Variants in MAPKAP1 observed in about 807,000 individuals in gnomAD.
MAPKAP1 encodes target of rapamycin complex 2 subunit MAPKAP1.
In MAPKAP1, 20 loss-of-function variants were observed where a neutral mutation model predicts 65.7. That is an observed-to-expected ratio of 0.30 (90% confidence interval 0.21 to 0.44). The LOEUF (loss-of-function observed/expected upper bound fraction) is 0.44, where lower values mean the gene tolerates loss of function less well. MAPKAP1 is among the 20% of genes least tolerant of loss of function. The pLI, the probability that MAPKAP1 is intolerant of heterozygous loss-of-function variation, is 1.00. For synonymous variants in MAPKAP1, 222 were observed against 244.3 expected, an observed-to-expected ratio of 0.91 and a Z score of 0.85; for missense variants, 423 against 648.0, an observed-to-expected ratio of 0.65 and a Z score of 3.77.
At chr9:125,657,589 CCAA>C (rs937095467) in intron 4 of MAPKAP1, 59 bp downstream of exon 4, 19 of 1,406,622 alleles carry the variant, frequency 1.4e-5, no homozygotes, top group Admixed American at 2.2e-5. Context: ...AATAATAATA[CCAA>C]CAACAACTCC....
At chr9:125,523,360 GA>G (rs1471987038) in intron 7 of MAPKAP1, among the ~76,000 whole-genome samples, 4 of 151,992 alleles carry the variant, frequency 2.6e-5, no homozygotes, top group Admixed American at 2.6e-4. Flanking sequence ...TAGAAAAGAG[GA>G]AAAAAAGAGG....
At chr9:125,452,327 G>A (rs947874871) in intron 10 of MAPKAP1, among the ~76,000 whole-genome samples, 13 of 152,040 alleles carry the variant, frequency 8.6e-5, no homozygotes, top group African/African-American at 3.1e-4. Context: ...TCGAACTCCT[G>A]GCCTCAAGTG....
At chr9:125,507,168 C>T (rs557728286) in intron 7 of MAPKAP1, among the ~76,000 whole-genome samples, 1 of 152,308 alleles carries the variant, frequency 6.6e-6, no homozygotes, top group East Asian at 1.9e-4. Flanking sequence ...GTTCTTCTGG[C>T]AGACCTTAAT....
chr9:125,520,998 C>A (rs1419224972), intron 7 of MAPKAP1, among the ~76,000 whole-genome samples: 4 of 152,242 alleles, frequency 2.6e-5, no homozygotes, highest in East Asian at 3.8e-4. Context: ...CCTATCCCAA[C>A]ACATATCCTA....
intron 5 of MAPKAP1, among the ~76,000 whole-genome samples, chr9:125,577,470 G>A (rs866395313): frequency 0.025 from 3,554 of 141,476 alleles, 158 homozygotes; most frequent in African/African-American, 0.089. Flanking sequence ...CAGCCGCCCC[G>A]TCTGGGAGGT....
At chr9:125,576,729 CGGGCT>C (rs1831414494) in intron 5 of MAPKAP1, among the ~76,000 whole-genome samples, 1 of 152,186 alleles carries the variant, frequency 6.6e-6, no homozygotes, top group South Asian at 2.1e-4. Context: ...CTGTGTTGGC[CGGGCT>C]GGTCTCCAGC....
chr9:125,470,434 T>C (rs946324973), intron 9 of MAPKAP1, among the ~76,000 whole-genome samples: 3 of 152,200 alleles, frequency 2.0e-5, no homozygotes, highest in African/African-American at 7.2e-5. Flanking sequence ...TCACTCCCCA[T>C]TGCATCAATC....
At chr9:125,654,297 G>T (rs75191617) in intron 4 of MAPKAP1, among the ~76,000 whole-genome samples, 3 of 152,154 alleles carry the variant, frequency 2.0e-5, no homozygotes, top group Non-Finnish European at 4.4e-5. Flanking sequence ...TGTTGTTAAC[G>T]AGGCTATTCA....
At chr9:125,629,003 G>A (rs1833192822) in intron 4 of MAPKAP1, among the ~76,000 whole-genome samples, 1 of 151,428 alleles carries the variant, frequency 6.6e-6, no homozygotes, top group African/African-American at 2.4e-5. Flanking sequence ...AACACGAATT[G>A]AAACCACAAC....
rs1564520087 is a variant in MAPKAP1, at chr9:125,464,208, A to ATT, written c.1345+3763_1345+3764insAA. Among the ~76,000 whole-genome samples the ATT allele has an allele frequency of 3.6e-3, 521 of 143,240 alleles. 3 individuals carry two copies. The highest frequency in any genetic ancestry group is 0.013 in the African/African-American group (487 of 36,492). The allele number at this position is 143,240 out of a possible 152,430, so 94.0% of individuals were successfully genotyped here. ...GTGAGACCCTGTCTCATATATTAAA[A>ATT]AAAAAAAAAAAAAAAAAAAAAAAAA... On this transcript the variant is annotated intron_variant, in intron 10 of 11. Coordinates refer to ENST00000265960, the MANE Select transcript of MAPKAP1 (RefSeq NM_001006617.3).
At chr9:125,578,466 G>T (rs995267505) in intron 5 of MAPKAP1, among the ~76,000 whole-genome samples, 3 of 151,766 alleles carry the variant, frequency 2.0e-5, no homozygotes, top group Non-Finnish European at 4.4e-5. Flanking sequence ...CATAAAAAAA[G>T]ATAGTTCTTA....
chr9:125,563,844 G>A (rs1830968493), intron 5 of MAPKAP1, among the ~76,000 whole-genome samples: 1 of 152,060 alleles, frequency 6.6e-6, no homozygotes, highest in Admixed American at 6.5e-5. Context: ...AGCCTCCCAA[G>A]TGGGATTATA....
At chr9:125,646,283 T>C (rs938069920) in intron 4 of MAPKAP1, among the ~76,000 whole-genome samples, 1 of 152,102 alleles carries the variant, frequency 6.6e-6, no homozygotes, top group Non-Finnish European at 1.5e-5. Context: ...GAGACCAGCC[T>C]GGACAACAGA....
intron 10 of MAPKAP1, among the ~76,000 whole-genome samples, chr9:125,466,666 C>T (rs1415044209): frequency 6.6e-6 from 1 of 152,198 alleles, no homozygotes; most frequent in Non-Finnish European, 1.5e-5. Context: ...CAAGGCCCCC[C>T]AGCAGCAGGC....
intron 9 of MAPKAP1, among the ~76,000 whole-genome samples, chr9:125,476,365 C>G (rs569176622): frequency 6.6e-6 from 1 of 152,156 alleles, no homozygotes; most frequent in African/African-American, 2.4e-5. Context: ...AATTACTGAA[C>G]GGACCCAGGG....
At chr9:125,604,901 C>G (rs373300883) in intron 4 of MAPKAP1, among the ~76,000 whole-genome samples, 18 of 152,210 alleles carry the variant, frequency 1.2e-4, no homozygotes, top group African/African-American at 4.1e-4. Flanking sequence ...GACAACTCAC[C>G]TGAGCTGAGG....
At chr9:125,652,162 CAA>C (rs750140283) in intron 4 of MAPKAP1, 7 of 1,308,790 alleles carry the variant, frequency 5.3e-6, no homozygotes, top group Non-Finnish European at 6.0e-6. Flanking sequence ...TGCTTTTCTG[CAA>C]AGTTTTAAGT....
chr9:125,506,843 G>A (rs1829156434), intron 7 of MAPKAP1, among the ~76,000 whole-genome samples: 1 of 152,098 alleles, frequency 6.6e-6, no homozygotes, highest in Non-Finnish European at 1.5e-5. Flanking sequence ...AGGAGGCAAA[G>A]GTATTTATTA....
intron 4 of MAPKAP1, among the ~76,000 whole-genome samples, chr9:125,598,682 A>G (rs1256672654): frequency 2.0e-5 from 3 of 152,158 alleles, no homozygotes; most frequent in Admixed American, 1.3e-4. Context: ...GTGAGTCACT[A>G]TTTTCTCACA....
Sources: gnomAD v4.1 joint callset for allele counts (sites outside exome capture counted in the v4.1 genomes callset) on GRCh38, gnomAD v4.1.1 for gene constraint, MANE v1.5 for transcripts, NCBI Gene and HGNC (gene_info 2026-07-23, HGNC 2026-07-21) for gene names.